Variants in CATSPER3 observed in about 807,000 individuals in gnomAD.
The protein encoded by CATSPER3 is cation channel sperm associated 3.
CATSPER3 carries 23 observed loss-of-function variants against 36.6 expected under a neutral mutation model. The ratio of observed to expected loss-of-function variants is 0.63; its 90% CI spans 0.45 to 0.89. The LOEUF (loss-of-function observed/expected upper bound fraction) is 0.89. Among genes scored for constraint, CATSPER3 ranks in the 40% least tolerant of loss-of-function variants. The pLI, the probability that CATSPER3 is intolerant of heterozygous loss-of-function variation, is 0.00. For synonymous variants in CATSPER3, 172 were observed against 184.1 expected (o/e 0.93, Z 0.53); for missense variants, 474 against 503.9 (o/e 0.94, Z 0.57).
At chr5:135,005,760 C>A (rs115295900) in intron 3 of CATSPER3, among the ~76,000 whole-genome samples, 3,018 of 151,128 alleles carry the variant, frequency 0.02, 50 homozygotes, top group Non-Finnish European at 0.033. Flanking sequence ...CACAGAGATG[C>A]ACAAATGTTC....
At chr5:134,986,689 C>A (rs1006179417) in intron 2 of CATSPER3, among the ~76,000 whole-genome samples, 6 of 152,138 alleles carry the variant, frequency 3.9e-5, no homozygotes, top group African/African-American at 1.4e-4. Context: ...TCTCGAACTC[C>A]TGACCTCAGG....
At chr5:135,002,686 G>A (rs1210197716) in intron 3 of CATSPER3, among the ~76,000 whole-genome samples, 10 of 151,790 alleles carry the variant, frequency 6.6e-5, no homozygotes, top group East Asian at 1.9e-4. Flanking sequence ...TAAACTTCTC[G>A]CTTCATTTCA....
intron 2 of CATSPER3, among the ~76,000 whole-genome samples, chr5:134,988,150 A>T (rs191158844): frequency 1.0e-3 from 158 of 152,352 alleles, no homozygotes; most frequent in Non-Finnish European, 1.9e-3. Flanking sequence ...ATTAGATCTT[A>T]AAAAAGTATA....
Position 135,000,017 on chromosome 5 carries a change from C to T in CATSPER3, c.492+3505C>T, listed in dbSNP as rs149954369. On this transcript the variant is annotated intron_variant, in intron 3 of 7. Coordinates refer to ENST00000282611, the MANE Select transcript of CATSPER3 (RefSeq NM_178019.3). ...TCAAAGGGAATGCTTCCAGTTTTTG[C>T]GCATTCAGTATGGTATCGGCTGTGG... is the stretch of plus-strand genomic sequence containing the variant. Among the ~76,000 whole-genome samples, 491 of 152,260 alleles carry T rather than the reference C, an allele frequency of 3.2e-3. 4 individuals are homozygous for T. Among genetic ancestry groups the T allele is most frequent in the African/African-American group, 0.011 (452 of 41,546 alleles).
chr5:134,984,712 G>A (rs962600229), intron 2 of CATSPER3, among the ~76,000 whole-genome samples: 1 of 152,006 alleles, frequency 6.6e-6, no homozygotes, highest in Admixed American at 6.6e-5. Flanking sequence ...AAACAGTATG[G>A]AGATTTCTCC....
chr5:134,998,532 A>C (rs919156325), intron 3 of CATSPER3, among the ~76,000 whole-genome samples: 6 of 152,224 alleles, frequency 3.9e-5, no homozygotes, highest in African/African-American at 1.4e-4. Flanking sequence ...TTACAGTCCC[A>C]CCAACAGTGT....
intron 2 of CATSPER3, among the ~76,000 whole-genome samples, chr5:134,994,443 C>T (rs1222497850): frequency 6.6e-6 from 1 of 152,182 alleles, no homozygotes; most frequent in East Asian, 1.9e-4. Flanking sequence ...ACAAGAGGAA[C>T]ATTGCTGATA....
At chr5:135,004,656 G>T (rs1273175020) in intron 3 of CATSPER3, among the ~76,000 whole-genome samples, 1 of 152,164 alleles carries the variant, frequency 6.6e-6, no homozygotes, top group East Asian at 1.9e-4. Flanking sequence ...GGAAGTCCAG[G>T]GGTGAAGAGG....
chr5:135,011,563 A>G lies in CATSPER3; in HGVS notation c.1137A>G (p.Leu379=), dbSNP rs1752180328. 2 of 1,614,112 alleles carry G rather than the reference A, an allele frequency of 1.2e-6. No individual in the cohort carries two copies. The highest frequency in any genetic ancestry group is 1.1e-5 in the South Asian group (1 of 91,072). The stretch of plus-strand genomic sequence containing the variant: ...ATGAGATCGTGCATGTGCTGAGCCT[A>G]ATGCTGGAAGACTTGCCCCAGGAGA... ...LYYEIVHVLS[L]MLEDLPQEKP... Residue 379 remains leucine (L), a synonymous_variant, in exon 8 of 8, where the codon CTA becomes CTG. Coordinates refer to ENST00000282611, the MANE Select transcript of CATSPER3 (RefSeq NM_178019.3).
At chr5:134,972,211 T>C (rs1448872118) in intron 2 of CATSPER3, among the ~76,000 whole-genome samples, 1 of 152,190 alleles carries the variant, frequency 6.6e-6, no homozygotes, top group Non-Finnish European at 1.5e-5. Flanking sequence ...GCATTTTGGA[T>C]TTTGGATTTT....
intron 2 of CATSPER3, among the ~76,000 whole-genome samples, chr5:134,991,204 A>G (rs1045878393): frequency 1.3e-5 from 2 of 152,214 alleles, no homozygotes; most frequent in Non-Finnish European, 2.9e-5. Flanking sequence ...TAAAATGGCA[A>G]TACTTTTCAA....
intron 3 of CATSPER3, among the ~76,000 whole-genome samples, chr5:135,003,226 C>G (rs1752043587): frequency 6.6e-6 from 1 of 152,144 alleles, no homozygotes; most frequent in African/African-American, 2.4e-5. Flanking sequence ...CACTCCAGAC[C>G]CTGTTTGCCT....
chr5:134,994,083 C>G (rs1228158620), intron 2 of CATSPER3, among the ~76,000 whole-genome samples: 1 of 152,272 alleles, frequency 6.6e-6, no homozygotes, highest in East Asian at 1.9e-4. Context: ...TGAGATTGTG[C>G]CACTGCACTC....
At chr5:135,006,831 G>A (rs569757249) in intron 3 of CATSPER3, among the ~76,000 whole-genome samples, 95 of 61,204 alleles carry the variant, frequency 1.6e-3, no homozygotes, top group African/African-American at 7.0e-3. Flanking sequence ...GAGCGACTCC[G>A]TCTCGAAAAA....
intron 3 of CATSPER3, among the ~76,000 whole-genome samples, chr5:134,999,920 C>A (rs1751998337): frequency 6.6e-6 from 1 of 152,154 alleles, no homozygotes; most frequent in East Asian, 1.9e-4. Flanking sequence ...TGCCTGATTG[C>A]CCTGGCCAGA....
chr5:134,991,173 A>G (rs930330334), intron 2 of CATSPER3, among the ~76,000 whole-genome samples: 1 of 152,250 alleles, frequency 6.6e-6, no homozygotes, highest in Non-Finnish European at 1.5e-5. Context: ...TCCTGTGTTC[A>G]TGGAAGAGAT....
intron 2 of CATSPER3, among the ~76,000 whole-genome samples, chr5:134,993,396 A>G (rs1751906664): frequency 6.6e-6 from 1 of 152,252 alleles, no homozygotes; most frequent in Non-Finnish European, 1.5e-5. Flanking sequence ...TAGTTGTACA[A>G]TATTGTGAAT....
At chr5:134,968,303 TTGAC>T (rs1751558771) in intron 1 of CATSPER3, 4 of 552,452 alleles carry the variant, frequency 7.2e-6, no homozygotes, top group African/African-American at 1.9e-5. Flanking sequence ...TTTGACCAGT[TTGAC>T]TGTTAGATAA....
At chr5:134,970,162 A>ATT (rs530032277) in intron 2 of CATSPER3, 70 bp downstream of exon 2, 1,199 of 1,244,048 alleles carry the variant, frequency 9.6e-4, no homozygotes, top group East Asian at 2.6e-3. Context: ...ACATTATAAG[A>ATT]TTTTTTTTTT....
Sources: gnomAD v4.1 joint callset for allele counts (sites outside exome capture counted in the v4.1 genomes callset) on GRCh38, gnomAD v4.1.1 for gene constraint, MANE v1.5 for transcripts, NCBI Gene and HGNC (gene_info 2026-07-23, HGNC 2026-07-21) for gene names.